CRISPLD1: variants seen among roughly 807,000 people sequenced by gnomAD.
The protein encoded by CRISPLD1 is cysteine rich secretory protein LCCL domain containing 1, also known as cysteine-rich secretory protein LCCL domain-containing 1.
In CRISPLD1, 60 loss-of-function variants were observed where a neutral mutation model predicts 77.5. The ratio of observed to expected loss-of-function variants is 0.77; its 90% confidence interval spans 0.63 to 0.96. The LOEUF (loss-of-function observed/expected upper bound fraction) is 0.96. Among genes scored for constraint, CRISPLD1 ranks in the 40% least tolerant of loss-of-function variants. The pLI, the probability that CRISPLD1 is intolerant of heterozygous loss-of-function variation, is 0.00. For missense variants in CRISPLD1, 623 were observed against 615.8 expected (o/e 1.01, Z -0.12); for synonymous variants, 195 against 200.1 (o/e 0.97, Z 0.22).
chr8:74,994,438 C>T (rs1812617883), intron 2 of CRISPLD1, among the ~76,000 whole-genome samples: 1 of 152,182 alleles, frequency 6.6e-6, no homozygotes, highest in South Asian at 2.1e-4. Context: ...GCAGTTTCCA[C>T]TCTGGTTTGA....
In CRISPLD1 at chr8:75,012,920, G is replaced by A. The variant is rs758076492; in HGVS notation, c.408G>A (p.Ser136=). 3.8e-5 allele frequency: 61 copies of A among 1,612,494 alleles called. No homozygotes were observed. In the South Asian group the frequency reaches 4.5e-4, roughly 12 times the overall value. ...GGCCCCCGACGTTTCATGTACAATC[G>A]TGGTATGATGAAGTGAAAGACTTTA... is the stretch of plus-strand genomic sequence containing the variant. ...RYRPPTFHVQ[S]WYDEVKDFSY... is the part of the protein sequence containing the mutation. The change falls in exon 4 of 15, where the codon TCG becomes TCA. Residue 136 remains serine (S), a synonymous_variant. Coordinates refer to ENST00000262207, the MANE Select transcript of CRISPLD1 (RefSeq NM_031461.6).
Position 75,017,408 on chromosome 8 carries a change from A to G in CRISPLD1, c.1085A>G (p.His362Arg), listed in dbSNP as rs759855345. 1.2e-6 allele frequency: 2 copies of G among 1,611,008 alleles called. No individual in the cohort carries two copies. Among genetic ancestry groups the G allele is most frequent in the Non-Finnish European group, 1.7e-6 (2 of 1,178,646 alleles). The change falls in exon 10 of 15, where the codon CAT (histidine) becomes CGT (arginine). Residue 362 changes from histidine (H) to arginine (R), a missense_variant. Transcript: ENST00000262207. ...GATATCACTAGACAAGGAAGAAAGC[A>G]TTATTTCATCAAGTCCAATAGAAAT... ...WVDITRQGRK[H>R]YFIKSNRNGI...
intron 2 of CRISPLD1, among the ~76,000 whole-genome samples, chr8:75,005,303 G>A (rs1812809596): frequency 1.3e-5 from 2 of 152,070 alleles, no homozygotes; most frequent in Non-Finnish European, 1.5e-5. Context: ...AAGTCTTTTC[G>A]ATTTAAGTAC....
intron 2 of CRISPLD1, among the ~76,000 whole-genome samples, chr8:75,007,672 T>TC (rs1433369453): frequency 1.4e-5 from 2 of 143,772 alleles, no homozygotes; most frequent in East Asian, 4.0e-4. Flanking sequence ...ACTTTTTTTT[T>TC]TTTTTTTTTT....
chr8:75,013,038 A>G lies in CRISPLD1; in HGVS notation c.510+16A>G, dbSNP rs1278567930. On this transcript the variant is annotated intron_variant, in intron 4 of 14. Transcript: ENST00000262207. ...TTATACACAGGTATGTTTGGGGGGTATTATACTTAATTCCCCCAAATTGAG... is the reference window on the plus strand; with the variant it reads ...TTATACACAGGTATGTTTGGGGGGTGTTATACTTAATTCCCCCAAATTGAG... 2 of 1,505,046 alleles carry G rather than the reference A, an allele frequency of 1.3e-6. No individual in the cohort carries two copies. Among genetic ancestry groups the G allele is most frequent in the East Asian group, 2.3e-5 (1 of 43,236 alleles). The allele number at this position is 1,505,046 out of a possible 1,614,324, so 93.2% of individuals were successfully genotyped here. A position where few individuals can be genotyped will look rare whatever the true frequency, so the allele number is the denominator to read the frequency against.
intron 12 of CRISPLD1, among the ~76,000 whole-genome samples, chr8:75,020,287 G>T (rs891014038): frequency 1.3e-5 from 2 of 152,214 alleles, no homozygotes; most frequent in African/African-American, 4.8e-5. Context: ...TAATGTCAGG[G>T]TTTATGCATG....
chr8:75,004,291 A>C lies in CRISPLD1; in HGVS notation c.259-8142A>C, dbSNP rs142486775. ...GTCTATTCAGAATGGGTGAAGCACA[A>C]CACTTAAAATACCTGGAGTAATTGA... On this transcript the variant is annotated intron_variant, in intron 2 of 14. Transcript: ENST00000262207. 8.3e-4 allele frequency among the ~76,000 whole-genome samples: 126 copies of C among 152,296 alleles called. No individual in the cohort carries two copies. The East Asian group carries it at 0.021, about 25-fold the overall frequency.
intron 13 of CRISPLD1, 107 bp downstream of exon 13, chr8:75,025,728 CTTTG>C: frequency 2.3e-6 from 1 of 441,850 alleles, no homozygotes; most frequent in Non-Finnish European, 4.0e-6. Flanking sequence ...AAGAAACAGA[CTTTG>C]TTAATGTGTG....
At chr8:75,025,980 A>G (rs754895669) in intron 13 of CRISPLD1, among the ~76,000 whole-genome samples, 39 of 152,342 alleles carry the variant, frequency 2.6e-4, no homozygotes, top group Admixed American at 9.8e-4. Flanking sequence ...AGTTGAAACA[A>G]TATCTTCACT....
chr8:74,997,877 AG>A (rs1812669664), intron 2 of CRISPLD1, among the ~76,000 whole-genome samples: 1 of 152,232 alleles, frequency 6.6e-6, no homozygotes, highest in East Asian at 1.9e-4. Context: ...TTCAGTGGTG[AG>A]GAATGCTCAG....
Position 75,017,032 on chromosome 8 carries a change from A to T in CRISPLD1, c.930-15A>T, listed in dbSNP as rs763272270. On this transcript the variant is annotated splice_polypyrimidine_tract_variant and intron_variant, in intron 8 of 14. Transcript: ENST00000262207. Reference sequence around the variant, plus strand: ...TCAGAGAAACTAAATTTTGTGCCCAATTACTTTTATTTAGGTACGAATGTC... The same window carrying T: ...TCAGAGAAACTAAATTTTGTGCCCATTTACTTTTATTTAGGTACGAATGTC... 1.9e-6 allele frequency: 3 copies of T among 1,606,990 alleles called. No homozygotes were observed. The highest frequency in any genetic ancestry group is 3.3e-5 in the Admixed American group (2 of 59,778).
At position 74,986,204 on chromosome 8, in the gene CRISPLD1, C is replaced by A. The variant is rs1368887327; in HGVS notation, c.217C>A (p.Arg73=). The stretch of plus-strand genomic sequence containing the variant: ...TATTTTGGACCTTCATAATAAATTA[C>A]GAAGTCAGGTGTATCCAACAGCCTC... The part of the protein sequence containing the change: ...QSILDLHNKL[R]SQVYPTASNM... Residue 73 remains arginine, a synonymous_variant, in exon 2 of 15, where the codon CGA becomes AGA. Coordinates refer to ENST00000262207, the MANE Select transcript of CRISPLD1 (RefSeq NM_031461.6). 3 of 1,613,748 alleles carry A rather than the reference C, an allele frequency of 1.9e-6. No homozygotes were observed. The highest frequency in any genetic ancestry group is 1.1e-5 in the South Asian group (1 of 91,074).
At chr8:75,018,438 G>A (rs924079533) in intron 10 of CRISPLD1, among the ~76,000 whole-genome samples, 9 of 151,856 alleles carry the variant, frequency 5.9e-5, no homozygotes, top group Admixed American at 2.6e-4. Context: ...ATACAGGTGC[G>A]TGCCACCATG....
Position 75,029,437 on chromosome 8 carries a change from C to T in CRISPLD1, c.1371C>T (p.His457=), listed in dbSNP as rs200291938. The T allele has an allele frequency of 3.2e-5, 51 of 1,613,592 alleles. No homozygotes were observed. Among genetic ancestry groups the T allele is most frequent in the African/African-American group, 2.8e-4 (21 of 74,988 alleles). The change falls in exon 14 of 15, where the codon CAC becomes CAT. Residue 457 remains histidine (H), a synonymous_variant. Coordinates refer to ENST00000262207, the MANE Select transcript of CRISPLD1 (RefSeq NM_031461.6). Reference sequence around the variant, plus strand: ...TACATGCTGGAGTGGTTCGAAATCACGGTGGTTATGTTGATGTAATGCCTG... The same window carrying T: ...TACATGCTGGAGTGGTTCGAAATCATGGTGGTTATGTTGATGTAATGCCTG... The part of the protein sequence containing the change: ...AAVHAGVVRN[H]GGYVDVMPVD...
chr8:74,992,550 C>G (rs1429505356), intron 2 of CRISPLD1, among the ~76,000 whole-genome samples: 1 of 152,144 alleles, frequency 6.6e-6, no homozygotes, highest in Non-Finnish European at 1.5e-5. Flanking sequence ...AGGGAGGGCA[C>G]CTGACCTAAA....
In CRISPLD1 at chr8:75,014,870, CCTAG is replaced by C; in HGVS notation, c.686_689del (p.Pro229LeufsTer30). ...TGGGCGGCCCTGTTCTGCTTGCCCA[CCTAG>C]TTTTGGAGGGGGCTGTAGAGAAAAT... On this transcript the variant is annotated frameshift_variant, in exon 6 of 15. Coordinates refer to ENST00000262207, the MANE Select transcript of CRISPLD1 (RefSeq NM_031461.6). LOFTEE classifies it high-confidence loss of function. 6.3e-7 allele frequency: 1 copy of C among 1,579,372 alleles called. No individual in the cohort carries two copies. The highest frequency in any genetic ancestry group is 8.6e-7 in the Non-Finnish European group (1 of 1,168,574).
At position 75,017,308 on chromosome 8, in the gene CRISPLD1, C is replaced by CT; in HGVS notation, c.997-6dup. On this transcript the variant is annotated splice_polypyrimidine_tract_variant and intron_variant, in intron 9 of 14. Coordinates refer to ENST00000262207, the MANE Select transcript of CRISPLD1 (RefSeq NM_031461.6). ...ATTTTTAACATCTTTTTATCTCCTC[C>CT]TTTTTTCCAAGCAATCCAGCATCTG... is the stretch of plus-strand genomic sequence containing the variant. The CT allele has an allele frequency of 1.2e-6, 2 of 1,607,144 alleles. No homozygotes were observed. Among genetic ancestry groups the CT allele is most frequent in the South Asian group, 1.1e-5 (1 of 89,056 alleles).
Position 74,985,934 on chromosome 8 carries a change from A to C in CRISPLD1, c.-54A>C. Reference sequence around the variant, plus strand: ...ATGACATGTCGTTATAGCCAAAAGGAGTGGAAGAGCCTGTCTTGGAGATTT... The same window carrying C: ...ATGACATGTCGTTATAGCCAAAAGGCGTGGAAGAGCCTGTCTTGGAGATTT... On this transcript the variant is annotated 5_prime_UTR_variant, in exon 2 of 15. Coordinates refer to ENST00000262207, the MANE Select transcript of CRISPLD1 (RefSeq NM_031461.6). The C allele has an allele frequency of 6.4e-7, 1 of 1,560,668 alleles. No individual in the cohort carries two copies. Among genetic ancestry groups the C allele is most frequent in the Non-Finnish European group, 8.7e-7 (1 of 1,149,790 alleles).
chr8:74,991,337 A>G (rs193079827), intron 2 of CRISPLD1, among the ~76,000 whole-genome samples: 1 of 152,074 alleles, frequency 6.6e-6, no homozygotes, highest in Non-Finnish European at 1.5e-5. Context: ...TCTCCTCACC[A>G]TTAGTAAAGG....
Sources: gnomAD v4.1 joint callset for allele counts (sites outside exome capture counted in the v4.1 genomes callset) on GRCh38, gnomAD v4.1.1 for gene constraint, MANE v1.5 for transcripts, NCBI Gene and HGNC (gene_info 2026-07-23, HGNC 2026-07-21) for gene names.